LEPR: variants seen among roughly 807,000 people sequenced by gnomAD.
The protein encoded by LEPR is leptin receptor.
A neutral mutation model predicts 114.7 loss-of-function variants in LEPR; 56 were observed. The ratio of observed to expected loss-of-function variants is 0.49; its 90% CI spans 0.39 to 0.61. The LOEUF (loss-of-function observed/expected upper bound fraction) is 0.61. Among genes scored for constraint, LEPR ranks in the 20% least tolerant of loss-of-function variants. The pLI is 0.00. For synonymous variants in LEPR, 443 were observed against 461.4 expected (o/e 0.96, Z 0.51); for missense variants, 1,202 against 1,352.9 (o/e 0.89, Z 1.75).
At chr1:65,541,172 A>G (rs1212438307) in intron 2 of LEPR, among the ~76,000 whole-genome samples, 1 of 152,240 alleles carries the variant, frequency 6.6e-6, no homozygotes, top group African/African-American at 2.4e-5. Flanking sequence ...TCGTGCTTTG[A>G]CATGTAAAAA....
chr1:65,598,324 T>C (rs538271127), intron 7 of LEPR, among the ~76,000 whole-genome samples: 6 of 152,110 alleles, frequency 3.9e-5, no homozygotes, highest in African/African-American at 1.4e-4. Context: ...CTACCAGGTG[T>C]GTGTTATAGG....
Position 65,570,628 on chromosome 1 carries a change from A to G in LEPR, c.196A>G (p.Thr66Ala). ...NTSNSNGHYE[T>A]AVEPKFNSSG... Reference sequence around the variant, plus strand: ...TTCAAATTCGAATGGACATTATGAGACAGCTGTTGAACCTAAGTTTAATTC... The same window carrying G: ...TTCAAATTCGAATGGACATTATGAGGCAGCTGTTGAACCTAAGTTTAATTC... Residue 66 changes from threonine to alanine, a missense_variant, in exon 4 of 20, where the codon ACA becomes GCA. Physicochemically the swap from Thr to Ala is moderately conservative, Grantham distance 58. Transcript: ENST00000349533. The G allele has an allele frequency of 6.2e-7, 1 of 1,614,004 alleles. No homozygotes were observed. The highest frequency in any genetic ancestry group is 8.5e-7 in the Non-Finnish European group (1 of 1,179,944).
At chr1:65,529,246 C>T (rs1390750992) in intron 2 of LEPR, among the ~76,000 whole-genome samples, 1 of 152,010 alleles carries the variant, frequency 6.6e-6, no homozygotes, top group Non-Finnish European at 1.5e-5. Flanking sequence ...CTCGGCTGGG[C>T]ATGGTGCCTC....
At chr1:65,614,171 A>G (rs1315207366) in intron 14 of LEPR, among the ~76,000 whole-genome samples, 1 of 152,244 alleles carries the variant, frequency 6.6e-6, no homozygotes, top group Non-Finnish European at 1.5e-5. Context: ...AGCTTTAGTT[A>G]TATTCACCCC....
intron 2 of LEPR, among the ~76,000 whole-genome samples, chr1:65,503,712 G>A (rs1188041709): frequency 6.6e-6 from 1 of 151,970 alleles, no homozygotes. Flanking sequence ...AGAGACATCA[G>A]TATGAACTCA....
intron 7 of LEPR, 48 bp downstream of exon 7, chr1:65,596,641 G>GA (rs1415164278): frequency 1.3e-6 from 2 of 1,564,396 alleles, no homozygotes; most frequent in Admixed American, 1.7e-5. Flanking sequence ...AGTAAATAAA[G>GA]ACCCTCTTAA....
At chr1:65,579,392 G>A (rs978922510) in intron 5 of LEPR, among the ~76,000 whole-genome samples, 9 of 152,156 alleles carry the variant, frequency 5.9e-5, no homozygotes, top group Non-Finnish European at 1.2e-4. Flanking sequence ...AGCCATTGAA[G>A]ATATTTTATT....
Position 65,639,606 on chromosome 1 carries a change from G to A in LEPR, c.*2591G>A, listed in dbSNP as rs961999056. On this transcript the variant is annotated 3_prime_UTR_variant, in exon 20 of 20. Transcript: ENST00000349533. ...AGCTTCTATAAAAAAAATTTAAAAG[G>A]AAGGAGGAGCTGAAATAGGGGCTAT... 8.5e-5 allele frequency: 13 copies of A among 152,110 alleles called. No individual in the cohort carries two copies. The highest frequency in any genetic ancestry group is 1.5e-4 in the Non-Finnish European group (10 of 67,998). 9.4% of individuals were successfully genotyped at this position (152,110 alleles called of 1,614,324 possible).
At chr1:65,460,057 CT>C (rs376057328) in intron 2 of LEPR, among the ~76,000 whole-genome samples, 21,421 of 144,516 alleles carry the variant, frequency 0.15, 1,562 homozygotes, top group South Asian at 0.31. Flanking sequence ...CTAAATTATC[CT>C]TTTTTTTTTT....
At chr1:65,445,815 T>C (rs1409020972) in intron 2 of LEPR, among the ~76,000 whole-genome samples, 1 of 151,730 alleles carries the variant, frequency 6.6e-6, no homozygotes, top group African/African-American at 2.4e-5. Flanking sequence ...AATTACATGT[T>C]GTAAATTAAC....
chr1:65,488,226 C>CTCTCTCTCTTTCTTTCTTTCTTTCTT (rs1553157734), intron 2 of LEPR, among the ~76,000 whole-genome samples: 35 of 67,948 alleles, frequency 5.2e-4, no homozygotes, highest in African/African-American at 2.4e-3. Context: ...CTCTCTCTCT[C>CTCTCTCTCTTTCTTTCTTTCTTTCTT]TCTTTCTTTC....
intron 2 of LEPR, among the ~76,000 whole-genome samples, chr1:65,440,808 T>C (rs1265207287): frequency 6.6e-6 from 1 of 152,226 alleles, no homozygotes; most frequent in Non-Finnish European, 1.5e-5. Context: ...AGGAGTGGCC[T>C]GATTATGTTT....
chr1:65,456,862 G>T (rs61779779), intron 2 of LEPR, among the ~76,000 whole-genome samples: 5 of 151,706 alleles, frequency 3.3e-5, no homozygotes, highest in Non-Finnish European at 7.4e-5. Context: ...TTTATTTGTT[G>T]CCCTTGTTCT....
intron 2 of LEPR, among the ~76,000 whole-genome samples, chr1:65,524,289 A>G (rs1254133859): frequency 1.3e-5 from 2 of 152,180 alleles, no homozygotes; most frequent in East Asian, 3.9e-4. Flanking sequence ...CATCCAATAG[A>G]GACACCTGTC....
At chr1:65,459,311 G>T (rs748595030) in intron 2 of LEPR, among the ~76,000 whole-genome samples, 5 of 152,200 alleles carry the variant, frequency 3.3e-5, no homozygotes, top group East Asian at 3.9e-4. Flanking sequence ...ACCTCTGAGA[G>T]TTGCCCTTCA....
intron 2 of LEPR, chr1:65,430,030 TC>T: frequency 6.4e-7 from 1 of 1,560,860 alleles, no homozygotes; most frequent in Non-Finnish European, 8.8e-7. Flanking sequence ...TTCCTGTTAT[TC>T]TTGCTCGTGT....
At chr1:65,572,575 T>C (rs1654276948) in intron 5 of LEPR, 126 bp downstream of exon 5, 4 of 995,256 alleles carry the variant, frequency 4.0e-6, no homozygotes, top group East Asian at 5.5e-5. Flanking sequence ...TATTTTTTAA[T>C]ATAGCATTCT....
intron 2 of LEPR, among the ~76,000 whole-genome samples, chr1:65,485,545 G>A (rs1346926007): frequency 6.6e-6 from 1 of 152,050 alleles, no homozygotes; most frequent in Non-Finnish European, 1.5e-5. Flanking sequence ...GATAGGAGGT[G>A]GGGTTCAGAT....
chr1:65,470,629 G>GTACC (rs1647071794), intron 2 of LEPR, among the ~76,000 whole-genome samples: 2 of 152,174 alleles, frequency 1.3e-5, no homozygotes, highest in African/African-American at 2.4e-5. Flanking sequence ...GTGGGATGAT[G>GTACC]TACCACTGAT....
Sources: allele counts gnomAD v4.1 joint callset (sites outside exome capture counted in the v4.1 genomes callset), GRCh38; gene constraint gnomAD v4.1.1; transcripts MANE v1.5; gene names NCBI Gene and HGNC (gene_info 2026-07-23, HGNC 2026-07-21).